The following HK2 variants were observed in gnomAD, a reference collection of about 807,000 sequenced individuals.
HK2 encodes the protein hexokinase-2.
A neutral mutation model predicts 92.9 loss-of-function variants in HK2; 42 were observed. That is an observed-to-expected ratio of 0.45 (90% CI 0.35 to 0.58). The LOEUF (loss-of-function observed/expected upper bound fraction) is 0.58. HK2 is among the 20% of genes least tolerant of loss of function. The pLI is 0.00. For synonymous variants in HK2, 422 were observed against 468.0 expected, an observed-to-expected ratio of 0.90 and a Z score of 1.27; for missense variants, 978 against 1,245.1, an observed-to-expected ratio of 0.79 and a Z score of 3.23.
chr2:74,863,280 G>A (rs796321033), intron 2 of HK2, among the ~76,000 whole-genome samples: 48 of 152,292 alleles, frequency 3.2e-4, no homozygotes, highest in African/African-American at 1.1e-3. Flanking sequence ...ATTTTACGTT[G>A]TGGCATTTGG....
At chr2:74,887,629 GTTCCT>G (rs1689570571) in intron 15 of HK2, among the ~76,000 whole-genome samples, 1 of 151,984 alleles carries the variant, frequency 6.6e-6, no homozygotes, top group South Asian at 2.1e-4. Flanking sequence ...AAGGAAATGA[GTTCCT>G]TTCCCTGTGG....
intron 1 of HK2, among the ~76,000 whole-genome samples, chr2:74,836,577 A>G (rs1285614686): frequency 6.6e-6 from 1 of 152,180 alleles, no homozygotes; most frequent in Non-Finnish European, 1.5e-5. Context: ...CCTTGCAGCC[A>G]CCTGTCAGTT....
chr2:74,851,235 G>A (rs1400984902), intron 1 of HK2, among the ~76,000 whole-genome samples: 1 of 152,196 alleles, frequency 6.6e-6, no homozygotes, highest in African/African-American at 2.4e-5. Context: ...TCTATAAAAC[G>A]GAGGTGCAGA....
intron 12 of HK2, among the ~76,000 whole-genome samples, chr2:74,882,872 G>C (rs969632472): frequency 2.0e-5 from 3 of 151,842 alleles, no homozygotes; most frequent in African/African-American, 7.3e-5. Flanking sequence ...TGGGGCTCCT[G>C]AGGCCCTTGT....
intron 6 of HK2, 146 bp from the exon 7 acceptor site, chr2:74,874,120 A>G: frequency 9.3e-7 from 1 of 1,079,596 alleles, no homozygotes; most frequent in South Asian, 1.3e-5. Context: ...GCAGAAGATT[A>G]GACCATGTAT....
At chr2:74,854,239 A>T in intron 1 of HK2, 54 bp from the exon 2 acceptor site, 1 of 1,548,958 alleles carries the variant, frequency 6.5e-7, no homozygotes, top group African/African-American at 1.4e-5. Flanking sequence ...ACGTACACCT[A>T]TGCCATAATT....
In HK2 at chr2:74,880,171, CA is replaced by C. The variant is rs1465753286; in HGVS notation, c.1266-93del. 4 of 1,410,022 alleles carry C rather than the reference CA, an allele frequency of 2.8e-6. No homozygotes were observed. The Admixed American group carries it at 5.0e-5, about 18-fold the overall frequency. The allele number at this position is 1,410,022 out of a possible 1,614,324, so 87.3% of individuals were successfully genotyped here. A position where few individuals can be genotyped will look rare whatever the true frequency, so the allele number is the denominator to read the frequency against. On this transcript the variant is annotated intron_variant, in intron 9 of 17. Coordinates refer to ENST00000290573, the MANE Select transcript of HK2 (RefSeq NM_000189.5). ...ACCCACTCCTGCAGGTGCCTTTTGGCATTTGGATTAAGGCGGTGGGCAACTG... is the reference window on the plus strand; with the variant it reads ...ACCCACTCCTGCAGGTGCCTTTTGGCTTTGGATTAAGGCGGTGGGCAACTG...
intron 5 of HK2, 97 bp from the exon 6 acceptor site, chr2:74,873,743 GAGAA>G (rs1484093082): frequency 4.0e-6 from 3 of 752,066 alleles, no homozygotes; most frequent in Non-Finnish European, 7.0e-6. Flanking sequence ...GGGAGAGAGA[GAGAA>G]GGAGGAGGAG....
At chr2:74,853,465 C>T (rs990164295) in intron 1 of HK2, among the ~76,000 whole-genome samples, 3 of 151,722 alleles carry the variant, frequency 2.0e-5, no homozygotes, top group African/African-American at 7.3e-5. Context: ...TGCAGTGAGT[C>T]GAGATTGCGC....
At chr2:74,849,775 C>A (rs1298942315) in intron 1 of HK2, among the ~76,000 whole-genome samples, 1 of 152,212 alleles carries the variant, frequency 6.6e-6, no homozygotes, top group African/African-American at 2.4e-5. Flanking sequence ...TGGGGCTATT[C>A]ATCCTGTTTT....
intron 1 of HK2, chr2:74,835,402 G>A (rs1688135905): frequency 6.6e-6 from 1 of 152,458 alleles, no homozygotes; most frequent in South Asian, 2.1e-4. Context: ...AGAGGCCAAC[G>A]CGCCGCGTTC....
chr2:74,834,755 G>A lies in HK2; in HGVS notation c.63+112G>A. 2 of 1,254,508 alleles carry A rather than the reference G, an allele frequency of 1.6e-6. No individual in the cohort carries two copies. The highest frequency in any genetic ancestry group is 1.2e-5 in the South Asian group (1 of 82,952). 77.7% of individuals were successfully genotyped at this position (1,254,508 alleles called of 1,614,324 possible). ...CGCTTCCTCCCTACTCCGGGCCTGGGAGCGGAAAAAGTTTGGGCAGCCGGG... is the reference window on the plus strand; with the variant it reads ...CGCTTCCTCCCTACTCCGGGCCTGGAAGCGGAAAAAGTTTGGGCAGCCGGG... On this transcript the variant is annotated intron_variant, in intron 1 of 17. Transcript: ENST00000290573. The surrounding 1 kb of genome is among the most constrained non-coding windows in gnomAD (Gnocchi z 4.2).
intron 3 of HK2, among the ~76,000 whole-genome samples, chr2:74,869,986 T>TTTTTC (rs1307771590): frequency 6.7e-6 from 1 of 148,436 alleles, no homozygotes; most frequent in Non-Finnish European, 1.5e-5. Context: ...TTTAAGGTCT[T>TTTTTC]TTTTCTTTTC....
chr2:74,834,612 T>C lies in HK2; in HGVS notation c.32T>C (p.Phe11Ser). ...GCCTCGCATCTGCTTGCCTACTTCTTCACGGAGCTCAACCATGACCAAGTG... is the reference window on the plus strand; with the variant it reads ...GCCTCGCATCTGCTTGCCTACTTCTCCACGGAGCTCAACCATGACCAAGTG... MIASHLLAYF[F>S]TELNHDQVQK... is the part of the protein sequence containing the mutation. Residue 11 changes from phenylalanine (F) to serine (S), a missense_variant, in exon 1 of 18, where the codon TTC (phenylalanine) becomes TCC (serine). This residue lies in a region of HK2 where 47 missense variants were observed against 33.1 expected (regional missense o/e 1.42). Coordinates refer to ENST00000290573, the MANE Select transcript of HK2 (RefSeq NM_000189.5). This position sits in a 1 kb window ranked among gnomAD's most constrained non-coding sequence, Gnocchi z 4.2. 1.2e-6 allele frequency: 2 copies of C among 1,613,860 alleles called. No individual in the cohort carries two copies. The highest frequency in any genetic ancestry group is 1.7e-6 in the Non-Finnish European group (2 of 1,179,834).
At chr2:74,847,425 C>G (rs748857403) in intron 1 of HK2, among the ~76,000 whole-genome samples, 1 of 152,118 alleles carries the variant, frequency 6.6e-6, no homozygotes, top group Admixed American at 6.5e-5. Flanking sequence ...TGCTTGTAAT[C>G]CCAGCACTTT....
intron 3 of HK2, among the ~76,000 whole-genome samples, chr2:74,871,295 C>G (rs972677171): frequency 2.0e-4 from 30 of 152,194 alleles, no homozygotes; most frequent in African/African-American, 6.3e-4. Flanking sequence ...TCTTCTTGCA[C>G]CTTCCTGGAT....
At chr2:74,851,871 A>T (rs1688578285) in intron 1 of HK2, among the ~76,000 whole-genome samples, 3 of 152,146 alleles carry the variant, frequency 2.0e-5, no homozygotes, top group Admixed American at 2.0e-4. Flanking sequence ...ACTGGAATAG[A>T]AGATGGCCTT....
chr2:74,878,668 G>A lies in HK2; in HGVS notation c.1032-20G>A, dbSNP rs1558802093. ...CAGTGGGTCAGACACAGGCCCACAT[G>A]CTATCTTTCTGTTTCCCAGGGAGAA... On this transcript the variant is annotated intron_variant, in intron 8 of 17. Transcript: ENST00000290573. 6.3e-7 allele frequency: 1 copy of A among 1,578,800 alleles called. No homozygotes were observed.
intron 2 of HK2, among the ~76,000 whole-genome samples, chr2:74,866,023 G>A (rs1688937718): frequency 6.6e-6 from 1 of 152,088 alleles, no homozygotes; most frequent in Admixed American, 6.5e-5. Flanking sequence ...AGTGGCCGGG[G>A]TTCTGGAGCA....
Sources: allele counts gnomAD v4.1 joint callset (sites outside exome capture counted in the v4.1 genomes callset), GRCh38; gene constraint gnomAD v4.1.1; regional missense constraint gnomAD v4.1.1; non-coding constraint Gnocchi (gnomAD v3.1); transcripts MANE v1.5; gene names NCBI Gene and HGNC (gene_info 2026-07-23, HGNC 2026-07-21).